Variants in DYSF observed in about 807,000 individuals in gnomAD.
DYSF encodes dysferlin, also known as dystrophy-associated fer-1-like 1.
A neutral mutation model predicts 274.9 loss-of-function variants in DYSF; 212 were observed. The ratio of observed to expected loss-of-function variants is 0.77; its 90% CI spans 0.69 to 0.86. DYSF has a LOEUF of 0.86. DYSF is among the 40% of genes least tolerant of loss of function. The pLI is 0.00. For synonymous variants in DYSF, 1,091 were observed against 1,078.7 expected (o/e 1.01, Z -0.22); for missense variants, 2,666 against 2,783.2 (o/e 0.96, Z 0.95).
Position 71,555,634 on chromosome 2 carries a change from C to G in DYSF, c.2110-331C>G, listed in dbSNP as rs745993. Among the ~76,000 whole-genome samples, 85,655 of 151,950 alleles carry G rather than the reference C, an allele frequency of 0.56. 24,910 individuals are homozygous for G. The highest frequency in any genetic ancestry group is 0.63 in the Non-Finnish European group (42,552 of 67,920). ...GAGCAGGCTCGGAGAGGGCCACTTA[C>G]CTGTGGGAAGCCAGGCCTGGTTTGA... On this transcript the variant is annotated intron_variant, in intron 21 of 55. Transcript: ENST00000410020.
chr2:71,567,887 C>T (rs1351695581), intron 24 of DYSF, 64 bp from the exon 25 acceptor site: 1 of 1,597,426 alleles, frequency 6.3e-7, no homozygotes, highest in Admixed American at 1.7e-5. Context: ...TCCTCCCCAG[C>T]CTCTCACTGG....
intron 30 of DYSF, among the ~76,000 whole-genome samples, chr2:71,574,572 AG>A (rs1254993547): frequency 6.6e-6 from 1 of 152,078 alleles, no homozygotes; most frequent in Non-Finnish European, 1.5e-5. Context: ...AAAATGAAAA[AG>A]CTCCTTCCTT....
chr2:71,563,378 G>A (rs2091897799), intron 23 of DYSF, among the ~76,000 whole-genome samples: 1 of 152,154 alleles, frequency 6.6e-6, no homozygotes, highest in Admixed American at 6.5e-5. Context: ...GGAGACCTGG[G>A]GCTCACTTGG....
At chr2:71,573,618 G>T (rs1219474917) in intron 29 of DYSF, among the ~76,000 whole-genome samples, 2 of 152,170 alleles carry the variant, frequency 1.3e-5, no homozygotes, top group African/African-American at 2.4e-5. Flanking sequence ...CTGAGCTGCA[G>T]ACCCACTACA....
chr2:71,657,573 T>G (rs1159683612), intron 43 of DYSF, among the ~76,000 whole-genome samples: 1 of 152,240 alleles, frequency 6.6e-6, no homozygotes, highest in Non-Finnish European at 1.5e-5. Flanking sequence ...AACTTTTGCC[T>G]GGGCATCCAG....
At chr2:71,470,762 TTCC>T (rs1444879511) in intron 1 of DYSF, among the ~76,000 whole-genome samples, 1 of 147,458 alleles carries the variant, frequency 6.8e-6, no homozygotes, top group Non-Finnish European at 1.5e-5. Flanking sequence ...CCTTCCTTCC[TTCC>T]TTCCTTCCTT....
At chr2:71,500,336 C>T (rs1012505495) in intron 3 of DYSF, among the ~76,000 whole-genome samples, 1 of 152,120 alleles carries the variant, frequency 6.6e-6, no homozygotes, top group African/African-American at 2.4e-5. Flanking sequence ...CCTTACACTG[C>T]GGGAGAGGCA....
chr2:71,639,447 T>C (rs375832997), intron 41 of DYSF, among the ~76,000 whole-genome samples: 30 of 152,304 alleles, frequency 2.0e-4, no homozygotes, highest in South Asian at 8.3e-4. Context: ...CCATTCAGAG[T>C]GCCACTATGA....
intron 42 of DYSF, among the ~76,000 whole-genome samples, chr2:71,651,185 A>G (rs2094651414): frequency 6.6e-6 from 1 of 152,112 alleles, no homozygotes; most frequent in African/African-American, 2.4e-5. Flanking sequence ...AGAAAAGGAA[A>G]AGGAAAAGCA....
intron 33 of DYSF, among the ~76,000 whole-genome samples, chr2:71,599,823 C>T (rs2093502211): frequency 6.6e-6 from 1 of 152,198 alleles, no homozygotes; most frequent in African/African-American, 2.4e-5. Context: ...GGGGAAGGTG[C>T]TGCTGTCTAT....
intron 15 of DYSF, 43 bp downstream of exon 15, chr2:71,535,132 C>T: frequency 6.2e-7 from 1 of 1,612,122 alleles, no homozygotes. Flanking sequence ...GCCCCTGGGG[C>T]TCTGGGCTTC....
At chr2:71,487,616 C>A (rs2083466491) in intron 3 of DYSF, among the ~76,000 whole-genome samples, 1 of 152,212 alleles carries the variant, frequency 6.6e-6, no homozygotes, top group South Asian at 2.1e-4. Flanking sequence ...TCAAGCGATT[C>A]TCCTGTCTCA....
At chr2:71,643,873 G>A (rs970651446) in intron 41 of DYSF, 92 bp from the exon 42 acceptor site, 55 of 949,616 alleles carry the variant, frequency 5.8e-5, no homozygotes, top group Middle Eastern at 2.2e-4. Context: ...GGTCCAGAGC[G>A]GCCTAGCAGC....
chr2:71,564,200 C>T lies in DYSF; in HGVS notation c.2552C>T (p.Thr851Ile). The change falls in exon 24 of 56, where the codon ACA becomes ATA. Residue 851 changes from threonine to isoleucine, a missense_variant. Physicochemically the swap from Thr to Ile is moderately conservative, Grantham distance 89. This residue lies in a region of DYSF where 412 missense variants were observed against 504.0 expected (regional missense o/e 0.82). Transcript: ENST00000410020. ...YCGKNCGKLQ[T>I]IFLKYPMEKV... is the part of the protein sequence containing the mutation. ...GGCAAGAATTGTGGGAAGCTACAGACAATCTTTCTGAAAGTGAGTTTTCTT... is the reference window on the plus strand; with the variant it reads ...GGCAAGAATTGTGGGAAGCTACAGATAATCTTTCTGAAAGTGAGTTTTCTT... 1 of 1,614,280 alleles carries T rather than the reference C, an allele frequency of 6.2e-7. No individual in the cohort carries two copies. The highest frequency in any genetic ancestry group is 8.5e-7 in the Non-Finnish European group (1 of 1,180,052).
At chr2:71,575,610 A>T (rs1321053324) in intron 30 of DYSF, among the ~76,000 whole-genome samples, 3 of 152,020 alleles carry the variant, frequency 2.0e-5, no homozygotes, top group Non-Finnish European at 4.4e-5. Context: ...TGGCCTGAGC[A>T]CTGGGCAGGG....
Position 71,665,792 on chromosome 2 carries a change from G to T in DYSF, c.5317+488G>T, listed in dbSNP as rs150237411. On this transcript the variant is annotated intron_variant, in intron 47 of 55. Coordinates refer to ENST00000410020, the MANE Select transcript of DYSF (RefSeq NM_001130987.2). The stretch of plus-strand genomic sequence containing the variant: ...ATCTAAAGGATCCCAAGGCAGGCAG[G>T]CCTTGTAGTGCCCCCAGTCCTGCCC... 2.1e-3 allele frequency among the ~76,000 whole-genome samples: 316 copies of T among 152,306 alleles called. 3 individuals are homozygous for T. Among genetic ancestry groups the T allele is most frequent in the African/African-American group, 7.3e-3 (303 of 41,566 alleles).
At chr2:71,508,160 A>C (rs2085689311) in intron 4 of DYSF, among the ~76,000 whole-genome samples, 1 of 152,204 alleles carries the variant, frequency 6.6e-6, no homozygotes. Context: ...GGAAATATTT[A>C]AGATCTAGAC....
At chr2:71,645,811 A>G (rs1295423286) in intron 42 of DYSF, among the ~76,000 whole-genome samples, 1 of 152,072 alleles carries the variant, frequency 6.6e-6, no homozygotes, top group Non-Finnish European at 1.5e-5. Context: ...TGGATTATAA[A>G]TGGGGGAGAC....
At chr2:71,577,341 A>G (rs1056747966) in intron 30 of DYSF, among the ~76,000 whole-genome samples, 1 of 151,268 alleles carries the variant, frequency 6.6e-6, no homozygotes, top group Non-Finnish European at 1.5e-5. Context: ...CCACACATTC[A>G]TACACACCAA....
Sources: gnomAD v4.1 joint callset for allele counts (sites outside exome capture counted in the v4.1 genomes callset) on GRCh38, gnomAD v4.1.1 for gene constraint, gnomAD v4.1.1 regional missense constraint, MANE v1.5 for transcripts, NCBI Gene and HGNC (gene_info 2026-07-23, HGNC 2026-07-21) for gene names.